The following NRP1 variants were observed in gnomAD, a reference collection of about 807,000 sequenced individuals.
NRP1 encodes the protein neuropilin 1, also known as neuropilin-1.
A neutral mutation model predicts 106.7 loss-of-function variants in NRP1; 35 were observed. The observed-to-expected ratio is 0.33, with a 90% CI of 0.25 to 0.43. The LOEUF (loss-of-function observed/expected upper bound fraction) is 0.43. Ranked by LOEUF, NRP1 falls within the 20% of genes least tolerant of loss-of-function variation. The pLI, the probability that NRP1 is intolerant of heterozygous loss-of-function variation, is 1.00. For missense variants in NRP1, 1,024 were observed against 1,170.4 expected, an observed-to-expected ratio of 0.87 and a Z score of 1.83; for synonymous variants, 437 against 417.9, an observed-to-expected ratio of 1.05 and a Z score of -0.56.
In NRP1 at chr10:33,213,378, G is replaced by C. The variant is rs773826462; in HGVS notation, c.1614+8C>G. ...AGGGATGACCTCCTCCCAGTCCCCA[G>C]CCCTCACCTTCGCCTTGCGTTTGCT... is the stretch of plus-strand genomic sequence containing the variant. On this transcript the variant is annotated splice_region_variant and intron_variant, in intron 9 of 16. Coordinates refer to ENST00000374867, the MANE Select transcript of NRP1 (RefSeq NM_003873.7). The C allele has an allele frequency of 3.1e-6, 5 of 1,613,902 alleles. No homozygotes were observed. The South Asian group carries it at 3.3e-5, about 11-fold the overall frequency.
At chr10:33,226,383 T>A in intron 6 of NRP1, 94 bp from the exon 7 acceptor site, 22 of 1,391,318 alleles carry the variant, frequency 1.6e-5, no homozygotes, top group Non-Finnish European at 2.1e-5. Flanking sequence ...GTGGTTTTCA[T>A]CCACCTGGGA....
At chr10:33,185,334 T>G (rs541260482) in intron 15 of NRP1, among the ~76,000 whole-genome samples, 1 of 152,354 alleles carries the variant, frequency 6.6e-6, no homozygotes, top group Admixed American at 6.5e-5. Flanking sequence ...CGGTATGGCA[T>G]CTATAGCTTG....
chr10:33,254,102 C>A lies in NRP1; in HGVS notation c.907G>T (p.Ala303Ser). ...ASSQYSTNWS[A>S]ERSRLNYPEN... ...GGGTAGTTCAGGCGGGAGCGCTCTG[C>A]AGACCAGTTGGTGCTATACTGGGAA... The change falls in exon 6 of 17, where the codon GCA (alanine) becomes TCA (serine). Residue 303 changes from alanine (A) to serine (S), a missense_variant. Ala to Ser is a moderately conservative substitution (Grantham distance 99, BLOSUM62 1). Coordinates refer to ENST00000374867, the MANE Select transcript of NRP1 (RefSeq NM_003873.7). 6.2e-7 allele frequency: 1 copy of A among 1,614,092 alleles called. No individual in the cohort carries two copies. Among genetic ancestry groups the A allele is most frequent in the Non-Finnish European group, 8.5e-7 (1 of 1,180,022 alleles).
At chr10:33,228,617 A>T (rs932936220) in intron 6 of NRP1, among the ~76,000 whole-genome samples, 2 of 152,194 alleles carry the variant, frequency 1.3e-5, no homozygotes, top group Admixed American at 6.5e-5. Context: ...CGCTTGGAGT[A>T]GTTAAATCAA....
Position 33,179,734 on chromosome 10 carries a change from G to A in NRP1, c.*342C>T, listed in dbSNP as rs1024570043. ...GCTTGGTGCCAGCATCTTGGATTTC[G>A]CTCAGTTTCCAAAAAGAATCCACAA... On this transcript the variant is annotated 3_prime_UTR_variant, in exon 17 of 17. Coordinates refer to ENST00000374867, the MANE Select transcript of NRP1 (RefSeq NM_003873.7). 5.0e-5 allele frequency: 12 copies of A among 238,220 alleles called. No homozygotes were observed. Among genetic ancestry groups the A allele is most frequent in the East Asian group, 9.6e-5 (1 of 10,446 alleles). 14.8% of individuals were successfully genotyped at this position (238,220 alleles called of 1,614,324 possible). A position where few individuals can be genotyped will look rare whatever the true frequency, so the allele number is the denominator to read the frequency against.
intron 6 of NRP1, among the ~76,000 whole-genome samples, chr10:33,238,459 A>G (rs533402368): frequency 9.2e-5 from 14 of 152,324 alleles, no homozygotes; most frequent in African/African-American, 3.1e-4. Context: ...TTCATTCATA[A>G]CACAAATAAG....
chr10:33,230,814 T>C (rs1199454119), intron 6 of NRP1, among the ~76,000 whole-genome samples: 2 of 152,202 alleles, frequency 1.3e-5, no homozygotes, highest in Non-Finnish European at 2.9e-5. Flanking sequence ...GCATGTAAAA[T>C]TTAAAATATT....
chr10:33,213,078 C>T (rs929164184), intron 9 of NRP1: 11 of 651,632 alleles, frequency 1.7e-5, no homozygotes, highest in African/African-American at 1.5e-4. Context: ...GGGTTCTGAG[C>T]GCTGGCTGGA....
At chr10:33,275,865 G>C (rs1843653339) in intron 2 of NRP1, among the ~76,000 whole-genome samples, 1 of 151,964 alleles carries the variant, frequency 6.6e-6, no homozygotes, top group Admixed American at 6.6e-5. Flanking sequence ...AGCTGTGATT[G>C]TGTTACTGCA....
In NRP1 at chr10:33,182,833, G is replaced by GCGCACACA. The variant is rs374584878; in HGVS notation, c.2432-86_2432-85insTGTGTGCG. 6.0e-4 allele frequency: 448 copies of GCGCACACA among 747,176 alleles called. 3 individuals carry two copies. The highest frequency in any genetic ancestry group is 2.1e-3 in the East Asian group (78 of 37,460). 46.3% of individuals were successfully genotyped at this position (747,176 alleles called of 1,614,324 possible). ...AAACTACACAAACCTTTAGGTACATGCACACACACACACACACACACACAC... is the reference window on the plus strand; with the variant it reads ...AAACTACACAAACCTTTAGGTACATGCGCACACACACACACACACACACACACACACAC... On this transcript the variant is annotated intron_variant, in intron 15 of 16. Transcript: ENST00000374867.
chr10:33,182,634 C>A, intron 16 of NRP1, 64 bp downstream of exon 16: 1 of 1,156,648 alleles, frequency 8.6e-7, no homozygotes, highest in South Asian at 1.3e-5. Flanking sequence ...CACAAAGTTT[C>A]TTCATAAACA....
At chr10:33,322,575 G>C (rs1312761069) in intron 2 of NRP1, among the ~76,000 whole-genome samples, 1 of 151,866 alleles carries the variant, frequency 6.6e-6, no homozygotes. Context: ...TAGAGAGAGG[G>C]TCTTGCTATG....
At chr10:33,231,602 C>T (rs11009312) in intron 6 of NRP1, among the ~76,000 whole-genome samples, 12 of 152,272 alleles carry the variant, frequency 7.9e-5, no homozygotes, top group East Asian at 7.7e-4. Context: ...ACTGGATTAA[C>T]ATTATCAGCG....
intron 6 of NRP1, among the ~76,000 whole-genome samples, chr10:33,246,593 C>CAA (rs1175503774): frequency 2.0e-5 from 3 of 151,746 alleles, no homozygotes; most frequent in Non-Finnish European, 2.9e-5. Flanking sequence ...AACACACACA[C>CAA]ACACACACAC....
chr10:33,215,339 C>T (rs1384630160), intron 8 of NRP1, among the ~76,000 whole-genome samples: 5 of 152,220 alleles, frequency 3.3e-5, no homozygotes, highest in Non-Finnish European at 7.3e-5. Context: ...CAGAGCTCAG[C>T]ATTCCACTGC....
chr10:33,259,007 C>T (rs1176082698), intron 4 of NRP1, among the ~76,000 whole-genome samples: 1 of 152,096 alleles, frequency 6.6e-6, no homozygotes, highest in East Asian at 1.9e-4. Flanking sequence ...TCCTTGGGGT[C>T]GTCCTCTGAT....
At chr10:33,188,391 G>C (rs1211738129) in intron 13 of NRP1, among the ~76,000 whole-genome samples, 1 of 152,082 alleles carries the variant, frequency 6.6e-6, no homozygotes. Flanking sequence ...TCCACAACTA[G>C]ACAGTAAGTT....
rs186707823 is a variant in NRP1, at chr10:33,319,036, G to T, written c.248+11672C>A. Among the ~76,000 whole-genome samples, 3 of 125,842 alleles carry T rather than the reference G, an allele frequency of 2.4e-5. No individual in the cohort carries two copies. In the South Asian group the frequency reaches 7.7e-4, roughly 32 times the overall value. The allele number at this position is 125,842 out of a possible 152,430, so 82.6% of individuals were successfully genotyped here. A position where few individuals can be genotyped will look rare whatever the true frequency, so the allele number is the denominator to read the frequency against. On this transcript the variant is annotated intron_variant, in intron 2 of 16. Transcript: ENST00000374867. ...TTTTTTTTTTTTGAGACGGAGTCTC[G>T]CTCTGTCGCCCAGGCTGGAGTGCAG... is the stretch of plus-strand genomic sequence containing the variant.
At position 33,192,349 on chromosome 10, in the gene NRP1, T is replaced by A. The variant is rs1836478598; in HGVS notation, c.1994A>T (p.His665Leu). The stretch of plus-strand genomic sequence containing the variant: ...CCACTTGAGCTGCACGTGATTGTCA[T>A]GTTCCCAGTGGCAGAAGGTCTTGTG... Reference protein sequence around the residue: ...GSHKTFCHWEHDNHVQLKWSV... With the variant: ...GSHKTFCHWELDNHVQLKWSV... The change falls in exon 13 of 17, where the codon CAT (histidine) becomes CTT (leucine). Residue 665 changes from histidine (H) to leucine (L), a missense_variant. Around this residue, in one of 5 missense-constraint regions of NRP1, gnomAD observed 562 missense variants for 620.3 expected, o/e 0.91. Transcript: ENST00000374867. 2 of 1,613,782 alleles carry A rather than the reference T, an allele frequency of 1.2e-6. No homozygotes were observed. The highest frequency in any genetic ancestry group is 1.6e-4 in the Middle Eastern group (1 of 6,080).
Sources: allele counts gnomAD v4.1 joint callset (sites outside exome capture counted in the v4.1 genomes callset), GRCh38; gene constraint gnomAD v4.1.1; regional missense constraint gnomAD v4.1.1; transcripts MANE v1.5; gene names NCBI Gene and HGNC (gene_info 2026-07-23, HGNC 2026-07-21).